The following NPAS3 variants were observed in gnomAD, a reference collection of about 807,000 sequenced individuals.
NPAS3 encodes the protein neuronal PAS domain-containing protein 3.
Under a neutral mutation model 73.1 loss-of-function variants are expected in NPAS3, and 14 were observed. That is an observed-to-expected ratio of 0.19 (90% CI 0.13 to 0.30). NPAS3 has a LOEUF of 0.30. Among genes scored for constraint, NPAS3 ranks in the 10% least tolerant of loss-of-function variants. The pLI is 1.00. For missense variants in NPAS3, 1,096 were observed against 1,250.0 expected, an observed-to-expected ratio of 0.88 and a Z score of 1.86; for synonymous variants, 620 against 541.5, an observed-to-expected ratio of 1.14 and a Z score of -2.01.
At chr14:33,198,006 G>C (rs1350077792) in intron 2 of NPAS3, among the ~76,000 whole-genome samples, 2 of 152,150 alleles carry the variant, frequency 1.3e-5, no homozygotes, top group East Asian at 1.9e-4. Context: ...CAGGAGTGAA[G>C]CTGCAGACCT....
intron 4 of NPAS3, among the ~76,000 whole-genome samples, chr14:33,535,836 T>G (rs1333952402): frequency 6.6e-6 from 1 of 152,230 alleles, no homozygotes; most frequent in Non-Finnish European, 1.5e-5. Context: ...AAAATCTGCT[T>G]GTGCAGACAT....
chr14:33,028,067 GT>G (rs1348575389), intron 1 of NPAS3, among the ~76,000 whole-genome samples: 1 of 152,110 alleles, frequency 6.6e-6, no homozygotes, highest in African/African-American at 2.4e-5. Context: ...AATTCAAGAA[GT>G]TTTTTGGGGG....
intron 6 of NPAS3, chr14:33,680,923 T>C (rs1427395755): frequency 2.3e-6 from 1 of 429,518 alleles, no homozygotes; most frequent in East Asian, 3.9e-5. Flanking sequence ...AGGATCATCA[T>C]TATAGTAGTA....
chr14:33,152,441 G>C (rs2044482682), intron 2 of NPAS3, among the ~76,000 whole-genome samples: 1 of 152,114 alleles, frequency 6.6e-6, no homozygotes, highest in African/African-American at 2.4e-5. Flanking sequence ...TCTGTAGGAT[G>C]ACTCAGATAT....
chr14:33,734,070 T>C (rs1307191367), intron 6 of NPAS3, among the ~76,000 whole-genome samples: 1 of 152,224 alleles, frequency 6.6e-6, no homozygotes, highest in Non-Finnish European at 1.5e-5. Context: ...TTTTTTTCTC[T>C]TGTTAATAAC....
At chr14:33,255,810 T>C (rs2048759290) in intron 3 of NPAS3, among the ~76,000 whole-genome samples, 1 of 152,144 alleles carries the variant, frequency 6.6e-6, no homozygotes, top group Non-Finnish European at 1.5e-5. Context: ...TGGAATTTAT[T>C]GAGGATTGAT....
At chr14:33,071,165 A>G (rs1022165414) in intron 2 of NPAS3, among the ~76,000 whole-genome samples, 1 of 152,234 alleles carries the variant, frequency 6.6e-6, no homozygotes, top group Non-Finnish European at 1.5e-5. Context: ...TTAATGGTTT[A>G]TCATCATTAG....
intron 3 of NPAS3, among the ~76,000 whole-genome samples, chr14:33,364,563 G>C (rs866372887): frequency 6.6e-6 from 1 of 152,136 alleles, no homozygotes; most frequent in Non-Finnish European, 1.5e-5. Context: ...CCATCGAATA[G>C]AATAGCATGA....
chr14:33,113,123 T>A (rs1333215847), intron 2 of NPAS3, among the ~76,000 whole-genome samples: 1 of 152,204 alleles, frequency 6.6e-6, no homozygotes, highest in Admixed American at 6.5e-5. Context: ...TTTGTTCTTT[T>A]GGCTTAGGAT....
intron 4 of NPAS3, among the ~76,000 whole-genome samples, chr14:33,428,873 G>A (rs985923447): frequency 6.6e-6 from 1 of 151,962 alleles, no homozygotes; most frequent in Non-Finnish European, 1.5e-5. Context: ...CTCTTACCTA[G>A]GAAATACTAG....
chr14:33,027,042 T>G (rs2039830075), intron 1 of NPAS3, among the ~76,000 whole-genome samples: 1 of 152,180 alleles, frequency 6.6e-6, no homozygotes, highest in Non-Finnish European at 1.5e-5. Context: ...CCTTCCTTCC[T>G]GCCTGGTAAG....
chr14:33,445,989 C>T (rs1025365086), intron 4 of NPAS3, among the ~76,000 whole-genome samples: 1 of 148,572 alleles, frequency 6.7e-6, no homozygotes, highest in East Asian at 2.0e-4. Flanking sequence ...GTGCCATTTA[C>T]AGTTTTTGTG....
At chr14:33,183,421 G>GTTTTTTTTT (rs55643715) in intron 2 of NPAS3, among the ~76,000 whole-genome samples, 2 of 60,794 alleles carry the variant, frequency 3.3e-5, no homozygotes, top group Admixed American at 1.8e-4. Context: ...GTGAGACTCT[G>GTTTTTTTTT]TTTTTTTTTT....
intron 3 of NPAS3, among the ~76,000 whole-genome samples, chr14:33,274,436 A>T (rs536266439): frequency 6.6e-6 from 1 of 152,240 alleles, no homozygotes; most frequent in South Asian, 2.1e-4. Context: ...ACTGCCTGCC[A>T]TCCTAATTTC....
At chr14:32,950,826 C>G (rs1462673063) in intron 1 of NPAS3, among the ~76,000 whole-genome samples, 1 of 152,066 alleles carries the variant, frequency 6.6e-6, no homozygotes, top group Non-Finnish European at 1.5e-5. Flanking sequence ...ATAGTATTGC[C>G]ATAACATTGC....
chr14:33,496,883 T>G (rs998378974), intron 4 of NPAS3, among the ~76,000 whole-genome samples: 1 of 152,118 alleles, frequency 6.6e-6, no homozygotes, highest in African/African-American at 2.4e-5. Flanking sequence ...GAAAGTTTAT[T>G]CCAATAGGAA....
intron 5 of NPAS3, among the ~76,000 whole-genome samples, chr14:33,669,373 T>A (rs1282045742): frequency 6.6e-6 from 1 of 152,212 alleles, no homozygotes; most frequent in Non-Finnish European, 1.5e-5. Context: ...TAAAATTTCT[T>A]GGTTTAGTCA....
At chr14:33,071,617 A>G (rs922912446) in intron 2 of NPAS3, among the ~76,000 whole-genome samples, 2 of 152,210 alleles carry the variant, frequency 1.3e-5, no homozygotes, top group African/African-American at 4.8e-5. Flanking sequence ...ATGGCACTTT[A>G]AATATATAAT....
intron 3 of NPAS3, among the ~76,000 whole-genome samples, chr14:33,360,605 T>C (rs1363607055): frequency 6.6e-6 from 1 of 152,220 alleles, no homozygotes. Context: ...TGGATGTTTT[T>C]TCAGTTGTTA....
Sources: allele counts gnomAD v4.1 joint callset (sites outside exome capture counted in the v4.1 genomes callset), GRCh38; gene constraint gnomAD v4.1.1; transcripts MANE v1.5; gene names NCBI Gene and HGNC (gene_info 2026-07-23, HGNC 2026-07-21).